MTMR14: variants seen among roughly 807,000 people sequenced by gnomAD.
The protein encoded by MTMR14 is phosphatidylinositol-3,5-bisphosphate 3-phosphatase MTMR14.
A neutral mutation model predicts 86.3 loss-of-function variants in MTMR14; 48 were observed. That is an observed-to-expected ratio of 0.56 (90% CI 0.44 to 0.71). MTMR14 has a LOEUF of 0.71. Among genes scored for constraint, MTMR14 ranks in the 30% least tolerant of loss-of-function variants. The pLI is 0.00. For synonymous variants in MTMR14, 366 were observed against 326.1 expected, an observed-to-expected ratio of 1.12 and a Z score of -1.32; for missense variants, 780 against 834.6, an observed-to-expected ratio of 0.93 and a Z score of 0.81.
chr3:9,687,802 G>C lies in MTMR14; in HGVS notation c.1165-19G>C. 6.4e-7 allele frequency: 1 copy of C among 1,561,928 alleles called. No individual in the cohort carries two copies. Among genetic ancestry groups the C allele is most frequent in the Non-Finnish European group, 8.7e-7 (1 of 1,151,144 alleles). On this transcript the variant is annotated intron_variant, in intron 13 of 18. Transcript: ENST00000296003. ...GCCTTGGTTCTTCTCATTGTGCGCTGCTCTTTGGTCTCCTTTAGATTTTCT... is the reference window on the plus strand; with the variant it reads ...GCCTTGGTTCTTCTCATTGTGCGCTCCTCTTTGGTCTCCTTTAGATTTTCT...
intron 14 of MTMR14, among the ~76,000 whole-genome samples, chr3:9,688,460 TGAG>T (rs1351333176): frequency 1.6e-4 from 24 of 152,354 alleles, no homozygotes; most frequent in African/African-American, 4.3e-4. Context: ...CACAAGCTGA[TGAG>T]GAGGATGCAG....
chr3:9,662,613 G>A (rs1213907753), intron 3 of MTMR14, among the ~76,000 whole-genome samples: 1 of 152,090 alleles, frequency 6.6e-6, no homozygotes, highest in African/African-American at 2.4e-5. Context: ...GACTGCCTAG[G>A]TTCAGATCCT....
chr3:9,700,837 T>A (rs934382966), intron 18 of MTMR14: 10 of 151,322 alleles, frequency 6.6e-5, no homozygotes, highest in African/African-American at 2.2e-4. Context: ...TTTTTTTTTT[T>A]AGACACAGTC....
chr3:9,679,176 G>A (rs1033842801), intron 9 of MTMR14, among the ~76,000 whole-genome samples: 1 of 152,232 alleles, frequency 6.6e-6, no homozygotes, highest in Non-Finnish European at 1.5e-5. Context: ...GCAACTGTTT[G>A]AGTGTATGAA....
chr3:9,665,145 G>A (rs549923644), intron 3 of MTMR14, among the ~76,000 whole-genome samples: 1 of 152,212 alleles, frequency 6.6e-6, no homozygotes, highest in African/African-American at 2.4e-5. Flanking sequence ...AGCCAGGCAA[G>A]GTGGCAGGCG....
intron 2 of MTMR14, among the ~76,000 whole-genome samples, chr3:9,657,108 T>A (rs2047651056): frequency 6.6e-6 from 1 of 151,864 alleles, no homozygotes; most frequent in African/African-American, 2.4e-5. Flanking sequence ...AGAGACCAGG[T>A]CTCGCTGCAT....
chr3:9,651,620 T>C (rs2047297560), intron 1 of MTMR14, among the ~76,000 whole-genome samples: 1 of 152,232 alleles, frequency 6.6e-6, no homozygotes, highest in African/African-American at 2.4e-5. Flanking sequence ...GTTAGATCTG[T>C]AACTGAACAA....
rs116727662 is a variant in MTMR14, at chr3:9,676,418, G to A, written c.752-899G>A. On this transcript the variant is annotated intron_variant, in intron 7 of 18. Coordinates refer to ENST00000296003, the MANE Select transcript of MTMR14 (RefSeq NM_001077525.3). ...CTGACCAAGGCAGCCAACTCCAAGC[G>A]CAGAGCAAAGTAGTTGACTTCACGC... Among the ~76,000 whole-genome samples, 214 of 152,370 alleles carry A rather than the reference G, an allele frequency of 1.4e-3. 1 individual carries two copies. Among genetic ancestry groups the A allele is most frequent in the South Asian group, 8.1e-3 (39 of 4,830 alleles).
intron 17 of MTMR14, among the ~76,000 whole-genome samples, chr3:9,692,783 C>T (rs1240913038): frequency 6.6e-6 from 1 of 152,232 alleles, no homozygotes; most frequent in East Asian, 1.9e-4. Flanking sequence ...GGACCAACCT[C>T]TGCTGCCCAG....
chr3:9,680,672 A>T (rs552516999), intron 9 of MTMR14, among the ~76,000 whole-genome samples: 4 of 152,154 alleles, frequency 2.6e-5, no homozygotes, highest in South Asian at 4.1e-4. Flanking sequence ...AGTGAAACCC[A>T]ATCTCTACTA....
At chr3:9,698,100 G>T (rs371135533) in intron 18 of MTMR14, among the ~76,000 whole-genome samples, 2 of 152,364 alleles carry the variant, frequency 1.3e-5, no homozygotes, top group East Asian at 3.9e-4. Flanking sequence ...TGGTGTCTCA[G>T]GTGCACCCAA....
In MTMR14 at chr3:9,701,734, A is replaced by G. The variant is rs142115353; in HGVS notation, c.1770-56A>G. The G allele has an allele frequency of 2.3e-4, 370 of 1,592,142 alleles. No individual in the cohort carries two copies. In the African/African-American group the frequency reaches 4.0e-3, roughly 17 times the overall value. ...TGGTATGGAGGGAGGGAGGATGAGGATACTGGGTCCTGTCCCAGGGTAATG... is the reference window on the plus strand; with the variant it reads ...TGGTATGGAGGGAGGGAGGATGAGGGTACTGGGTCCTGTCCCAGGGTAATG... On this transcript the variant is annotated intron_variant, in intron 18 of 18. Transcript: ENST00000296003. This position sits in a 1 kb window ranked among gnomAD's most constrained non-coding sequence, Gnocchi z 4.2.
chr3:9,669,535 G>T, intron 5 of MTMR14, 43 bp downstream of exon 5: 1 of 1,595,268 alleles, frequency 6.3e-7, no homozygotes, highest in Non-Finnish European at 8.6e-7. Flanking sequence ...TGTTGGGGAT[G>T]GGGTGTCTGG....
chr3:9,691,192 C>T (rs549038245), intron 17 of MTMR14, among the ~76,000 whole-genome samples: 1 of 152,336 alleles, frequency 6.6e-6, no homozygotes, highest in African/African-American at 2.4e-5. Flanking sequence ...GTGCTCACCC[C>T]TGCGTGAACT....
chr3:9,683,186 T>C lies in MTMR14; in HGVS notation c.906T>C (p.Asp302=). The C allele has an allele frequency of 6.2e-7, 1 of 1,614,138 alleles. No individual in the cohort carries two copies. Among genetic ancestry groups the C allele is most frequent in the East Asian group, 2.2e-5 (1 of 44,886 alleles). ...NIDWSQYQCW[D]LVQQTQNYLK... The stretch of plus-strand genomic sequence containing the variant: ...TCACTTTTCTCCAACAGTGTTGGGA[T>C]CTGGTGCAACAAACACAAAACTACC... Residue 302 remains aspartate, a synonymous_variant, in exon 10 of 19, where the codon GAT becomes GAC. Transcript: ENST00000296003.
chr3:9,662,392 A>C lies in MTMR14; in HGVS notation c.417+17A>C, dbSNP rs1446589678. On this transcript the variant is annotated intron_variant, in intron 3 of 18. Coordinates refer to ENST00000296003, the MANE Select transcript of MTMR14 (RefSeq NM_001077525.3). ...AAGGGCAAGGTAAGGCCCATACCAT[A>C]GCTTCATGCTCCACGACTCTCTTCT... 6.3e-7 allele frequency: 1 copy of C among 1,595,998 alleles called. No homozygotes were observed. The highest frequency in any genetic ancestry group is 8.6e-7 in the Non-Finnish European group (1 of 1,163,610).
chr3:9,680,840 A>AAAAC (rs34688278), intron 9 of MTMR14, among the ~76,000 whole-genome samples: 18,740 of 152,008 alleles, frequency 0.12, 1,384 homozygotes, highest in African/African-American at 0.21. Flanking sequence ...CCGTCTCAAA[A>AAAAC]AAACAAACAA....
intron 2 of MTMR14, among the ~76,000 whole-genome samples, chr3:9,655,492 G>A (rs1308123910): frequency 1.8e-5 from 1 of 54,430 alleles, no homozygotes; most frequent in African/African-American, 8.6e-5. Context: ...GAGACAGAGT[G>A]CTCTGTCACC....
intron 1 of MTMR14, chr3:9,650,178 G>A (rs911675191): frequency 4.3e-5 from 16 of 372,514 alleles, no homozygotes; most frequent in African/African-American, 3.2e-4. Flanking sequence ...TGAACCCAGT[G>A]TGCTGCCCCC....
Sources: allele counts gnomAD v4.1 joint callset (sites outside exome capture counted in the v4.1 genomes callset), GRCh38; gene constraint gnomAD v4.1.1; non-coding constraint Gnocchi (gnomAD v3.1); transcripts MANE v1.5; gene names NCBI Gene and HGNC (gene_info 2026-07-23, HGNC 2026-07-21).